The following TTC28 variants were observed in gnomAD, a reference collection of about 807,000 sequenced individuals.
TTC28 encodes tetratricopeptide repeat protein 28.
TTC28 carries 61 observed loss-of-function variants against 198.0 expected under a neutral mutation model. The observed-to-expected ratio is 0.31, with a 90% CI of 0.25 to 0.38. TTC28 has a LOEUF of 0.38. Among genes scored for constraint, TTC28 ranks in the 10% least tolerant of loss-of-function variants. The probability of loss-of-function intolerance (pLI) is 1.00; values close to 1 mark genes in which losing one functional copy is unlikely to be tolerated. For missense variants in TTC28, 2,678 were observed against 3,164.0 expected (o/e 0.85, Z 3.69); for synonymous variants, 1,171 against 1,297.8 (o/e 0.90, Z 2.10).
intron 12 of TTC28, 121 bp from the exon 13 acceptor site, chr22:28,030,487 T>A (rs1168941894): frequency 2.4e-6 from 3 of 1,242,320 alleles, no homozygotes; most frequent in Non-Finnish European, 3.3e-6. Context: ...TGTCTCCAGA[T>A]GACAGCATCA....
intron 2 of TTC28, among the ~76,000 whole-genome samples, chr22:28,568,978 C>T (rs1270566555): frequency 6.6e-6 from 1 of 151,932 alleles, no homozygotes; most frequent in Non-Finnish European, 1.5e-5. Flanking sequence ...GAAACCCCAT[C>T]TCTACTAAAA....
At chr22:28,069,615 C>T (rs1018801462) in intron 12 of TTC28, among the ~76,000 whole-genome samples, 2 of 152,130 alleles carry the variant, frequency 1.3e-5, no homozygotes, top group African/African-American at 4.8e-5. Flanking sequence ...CTGTCTGCCA[C>T]AGAAAACCAA....
intron 14 of TTC28, among the ~76,000 whole-genome samples, chr22:28,010,344 T>A (rs1333611805): frequency 6.6e-6 from 1 of 152,218 alleles, no homozygotes; most frequent in African/African-American, 2.4e-5. Context: ...TGAAGCCAGC[T>A]ACCACTAATC....
At chr22:28,265,094 C>T (rs1569228960) in intron 5 of TTC28, among the ~76,000 whole-genome samples, 1 of 152,020 alleles carries the variant, frequency 6.6e-6, no homozygotes, top group Non-Finnish European at 1.5e-5. Flanking sequence ...TCACAAATAT[C>T]CTGGAAGAAT....
chr22:28,271,856 G>A (rs1932100195), intron 5 of TTC28, among the ~76,000 whole-genome samples: 1 of 152,104 alleles, frequency 6.6e-6, no homozygotes, highest in Admixed American at 6.5e-5. Context: ...GCCCACCTCG[G>A]CCTCCCAAAG....
At chr22:28,299,376 T>C (rs898845244) in intron 3 of TTC28, among the ~76,000 whole-genome samples, 1 of 152,148 alleles carries the variant, frequency 6.6e-6, no homozygotes, top group Non-Finnish European at 1.5e-5. Flanking sequence ...CTTGTCTGAG[T>C]CAACAATGCC....
intron 13 of TTC28, among the ~76,000 whole-genome samples, chr22:28,021,871 G>A (rs892817498): frequency 6.6e-6 from 1 of 152,318 alleles, no homozygotes; most frequent in African/African-American, 2.4e-5. Flanking sequence ...GAAGGGAGGG[G>A]TGAGAAGGGA....
At chr22:28,262,597 C>A (rs372877969) in intron 5 of TTC28, among the ~76,000 whole-genome samples, 2 of 152,010 alleles carry the variant, frequency 1.3e-5, no homozygotes, top group East Asian at 3.9e-4. Flanking sequence ...CCCTGTGATA[C>A]AATCAACTAT....
intron 2 of TTC28, among the ~76,000 whole-genome samples, chr22:28,583,473 G>A (rs76484257): frequency 6.6e-6 from 1 of 152,130 alleles, no homozygotes; most frequent in Non-Finnish European, 1.5e-5. Context: ...ACAACAGAAG[G>A]TTAAGACAGA....
intron 2 of TTC28, among the ~76,000 whole-genome samples, chr22:28,532,269 T>G (rs111626560): frequency 1.7e-4 from 26 of 152,104 alleles, no homozygotes; most frequent in Admixed American, 3.9e-4. Flanking sequence ...TCAGAGAATA[T>G]TATAAACACC....
chr22:28,366,252 A>C (rs979438070), intron 2 of TTC28, among the ~76,000 whole-genome samples: 1 of 152,200 alleles, frequency 6.6e-6, no homozygotes, highest in Non-Finnish European at 1.5e-5. Context: ...CCTATAGCCC[A>C]TATGACATTC....
chr22:28,014,071 C>T (rs1416268687), intron 14 of TTC28, among the ~76,000 whole-genome samples, 177 bp downstream of exon 14: 2 of 152,188 alleles, frequency 1.3e-5, no homozygotes, highest in Non-Finnish European at 2.9e-5. Context: ...CAAGTCTGTG[C>T]TCCACCTTAT....
intron 5 of TTC28, among the ~76,000 whole-genome samples, chr22:28,171,626 A>G (rs531594761): frequency 6.6e-6 from 1 of 151,390 alleles, no homozygotes; most frequent in East Asian, 1.9e-4. Context: ...TATTTGCAAA[A>G]AAAAAAAAAA....
intron 13 of TTC28, among the ~76,000 whole-genome samples, chr22:28,015,419 TAAAAAAAAAAAA>T (rs138678): frequency 1.2e-4 from 13 of 109,686 alleles, no homozygotes; most frequent in East Asian, 1.1e-3. Flanking sequence ...GAGATAGCTT[TAAAAAAAAAAAA>T]AAAAAAAAAA....
At chr22:28,596,463 T>A (rs1391631693) in intron 2 of TTC28, among the ~76,000 whole-genome samples, 1 of 152,222 alleles carries the variant, frequency 6.6e-6, no homozygotes, top group Non-Finnish European at 1.5e-5. Context: ...CTTATTTGAA[T>A]TGCTGTATTT....
intron 5 of TTC28, among the ~76,000 whole-genome samples, chr22:28,201,623 A>G (rs1343608799): frequency 6.6e-6 from 1 of 152,020 alleles, no homozygotes; most frequent in African/African-American, 2.4e-5. Context: ...CAGTGGTGAG[A>G]AAGAAAATGA....
At chr22:28,526,968 G>C (rs1389571081) in intron 2 of TTC28, among the ~76,000 whole-genome samples, 1 of 152,052 alleles carries the variant, frequency 6.6e-6, no homozygotes, top group East Asian at 1.9e-4. Flanking sequence ...ATGTTGGTCA[G>C]ACTGTTCTTG....
At position 28,386,132 on chromosome 22, in the gene TTC28, G is replaced by A. The variant is rs1057490078; in HGVS notation, c.382-79489C>T. Among the ~76,000 whole-genome samples the A allele has an allele frequency of 1.0e-4, 15 of 150,628 alleles. 1 individual carries two copies. Among genetic ancestry groups the A allele is most frequent in the African/African-American group, 3.4e-4 (14 of 40,990 alleles). ...TCTACTAAAACTACAAAAAATAGCC[G>A]GGCGTAGTGGCGGGCGCCTGTAGTC... On this transcript the variant is annotated intron_variant, in intron 2 of 22. Coordinates refer to ENST00000397906, the MANE Select transcript of TTC28 (RefSeq NM_001145418.2).
chr22:28,670,859 G>A (rs1004276309), intron 1 of TTC28, among the ~76,000 whole-genome samples: 3 of 151,924 alleles, frequency 2.0e-5, no homozygotes, highest in Non-Finnish European at 4.4e-5. Context: ...ATCCTCACCA[G>A]TACTTGTTAT....
Sources: allele counts gnomAD v4.1 joint callset (sites outside exome capture counted in the v4.1 genomes callset), GRCh38; gene constraint gnomAD v4.1.1; transcripts MANE v1.5; gene names NCBI Gene and HGNC (gene_info 2026-07-23, HGNC 2026-07-21).